The following NBAS variants were observed in gnomAD, a reference collection of about 807,000 sequenced individuals.
The protein encoded by NBAS is NAG/BC035112 fusion.
NBAS carries 219 observed loss-of-function variants against 302.5 expected under a neutral mutation model. That is an observed-to-expected ratio of 0.72 (90% CI 0.65 to 0.81). NBAS has a LOEUF of 0.81. NBAS is among the 30% of genes least tolerant of loss of function. The pLI is 0.00. For synonymous variants in NBAS, 1,118 were observed against 1,021.6 expected, an observed-to-expected ratio of 1.09 and a Z score of -1.80; for missense variants, 2,932 against 2,841.6, an observed-to-expected ratio of 1.03 and a Z score of -0.72.
the NBAS span, among the ~76,000 whole-genome samples, chr2:15,116,861 T>A: frequency 6.6e-6 from 1 of 152,162 alleles, no homozygotes; most frequent in Admixed American, 6.5e-5. Context: ...AATACATATA[T>A]AGGTTAGATT....
chr2:15,308,358 G>A lies in NBAS; in HGVS notation c.4660-5C>T. On this transcript the variant is annotated splice_polypyrimidine_tract_variant and splice_region_variant and intron_variant, in intron 39 of 51. Coordinates refer to ENST00000281513, the MANE Select transcript of NBAS (RefSeq NM_015909.4). Reference sequence around the variant, plus strand: ...GCACCGGTTAGCATCTAACACCTAGGAGGGAACATGTTAGAATTAACTCAG... The same window carrying A: ...GCACCGGTTAGCATCTAACACCTAGAAGGGAACATGTTAGAATTAACTCAG... 1 of 1,613,828 alleles carries A rather than the reference G, an allele frequency of 6.2e-7. No individual in the cohort carries two copies. The highest frequency in any genetic ancestry group is 8.5e-7 in the Non-Finnish European group (1 of 1,179,880).
intron 23 of NBAS, among the ~76,000 whole-genome samples, 172 bp downstream of exon 23, chr2:15,424,143 C>A (rs1011824120): frequency 2.0e-5 from 3 of 152,164 alleles, no homozygotes; most frequent in African/African-American, 7.2e-5. Context: ...AAAACAAAAG[C>A]CACAAAACGT....
the NBAS span, among the ~76,000 whole-genome samples, chr2:14,924,291 C>T: frequency 6.6e-6 from 1 of 152,148 alleles, no homozygotes; most frequent in Admixed American, 6.5e-5. Flanking sequence ...TCAACATCCC[C>T]AAAAATATAT....
chr2:15,480,084 T>C (rs914637202), intron 12 of NBAS, among the ~76,000 whole-genome samples: 4 of 152,218 alleles, frequency 2.6e-5, no homozygotes, highest in Non-Finnish European at 5.9e-5. Context: ...CTCACGCCTG[T>C]AATCCCAGAA....
the NBAS span, among the ~76,000 whole-genome samples, chr2:14,869,636 G>T: frequency 6.6e-6 from 1 of 152,072 alleles, no homozygotes; most frequent in African/African-American, 2.4e-5. Flanking sequence ...CCCTCAATCA[G>T]CACTCCTCCT....
chr2:15,045,338 C>T, the NBAS span, among the ~76,000 whole-genome samples: 1 of 152,184 alleles, frequency 6.6e-6, no homozygotes, highest in Non-Finnish European at 1.5e-5. Context: ...AGATAGAAGC[C>T]ATTCTTTGCA....
the NBAS span, among the ~76,000 whole-genome samples, chr2:14,905,475 G>A: frequency 2.0e-5 from 3 of 151,988 alleles, no homozygotes; most frequent in African/African-American, 4.8e-5. Context: ...CGGTGGCTGC[G>A]GGAGACTTGG....
chr2:15,351,123 C>T (rs1160108884), intron 35 of NBAS, among the ~76,000 whole-genome samples: 1 of 152,134 alleles, frequency 6.6e-6, no homozygotes, highest in Non-Finnish European at 1.5e-5. Context: ...GTACTATGCA[C>T]ACCGAAATTG....
chr2:15,347,141 A>C (rs1224232393), intron 35 of NBAS, among the ~76,000 whole-genome samples: 2 of 152,206 alleles, frequency 1.3e-5, no homozygotes, highest in Admixed American at 1.3e-4. Context: ...AATTTTTAAA[A>C]AAGTCAGTTA....
chr2:15,167,299 C>T lies in NBAS; in HGVS notation c.6865G>A (p.Glu2289Lys). 1 of 1,614,216 alleles carries T rather than the reference C, an allele frequency of 6.2e-7. No individual in the cohort carries two copies. Among genetic ancestry groups the T allele is most frequent in the Non-Finnish European group, 8.5e-7 (1 of 1,180,032 alleles). The change falls in exon 52 of 52, where the codon GAA (glutamate) becomes AAA (lysine). Residue 2289 changes from glutamate (E) to lysine (K), a missense_variant. Physicochemically the swap from Glu to Lys is moderately conservative, Grantham distance 56. Transcript: ENST00000281513. ...TTVNDSNCDQ[E>K]LLSLLLDAKL... is the part of the protein sequence containing the mutation. ...GCATCCAGGAGCAGGGAAAGAAGTT[C>T]TTGGTCACAATTGGAATCATTCACC...
At chr2:15,285,308 C>A (rs1669989069) in intron 42 of NBAS, among the ~76,000 whole-genome samples, 1 of 152,162 alleles carries the variant, frequency 6.6e-6, no homozygotes, top group Admixed American at 6.5e-5. Context: ...ATACTCACTC[C>A]CTTTCTTTAA....
At chr2:15,103,839 TAAAGG>T in the NBAS span, among the ~76,000 whole-genome samples, 2 of 152,144 alleles carry the variant, frequency 1.3e-5, no homozygotes, top group South Asian at 4.1e-4. Flanking sequence ...ATCACATGGC[TAAAGG>T]AAAAGTTCAG....
At chr2:15,371,684 A>G (rs1350406420) in intron 31 of NBAS, among the ~76,000 whole-genome samples, 1 of 152,158 alleles carries the variant, frequency 6.6e-6, no homozygotes, top group East Asian at 1.9e-4. Context: ...TAGCCCTGTA[A>G]AGTCATAGAA....
At chr2:15,403,759 A>C (rs1012088712) in intron 25 of NBAS, among the ~76,000 whole-genome samples, 1 of 152,124 alleles carries the variant, frequency 6.6e-6, no homozygotes, top group South Asian at 2.1e-4. Flanking sequence ...CAAGGTTGCA[A>C]AGTGACTAAC....
intron 32 of NBAS, among the ~76,000 whole-genome samples, chr2:15,358,238 T>C (rs1178966630): frequency 2.0e-5 from 3 of 152,222 alleles, no homozygotes; most frequent in South Asian, 4.2e-4. Flanking sequence ...TCCTGCTCTT[T>C]GCCTAAAAAC....
intron 50 of NBAS, among the ~76,000 whole-genome samples, chr2:15,186,179 T>G (rs1293767907): frequency 6.6e-6 from 1 of 150,772 alleles, no homozygotes; most frequent in Non-Finnish European, 1.5e-5. Context: ...TGTATATATA[T>G]GCATATATAT....
intron 1 of NBAS, among the ~76,000 whole-genome samples, chr2:15,560,959 G>GC (rs1664886615): frequency 6.6e-6 from 1 of 152,110 alleles, no homozygotes; most frequent in African/African-American, 2.4e-5. Context: ...CGAAGTTCCA[G>GC]CCCCCAACAA....
At chr2:15,059,481 G>A in the NBAS span, among the ~76,000 whole-genome samples, 1 of 152,104 alleles carries the variant, frequency 6.6e-6, no homozygotes, top group East Asian at 1.9e-4. Context: ...ATAAGCAGAT[G>A]CCCCCAGAAG....
chr2:15,486,982 G>A (rs1335462307), intron 12 of NBAS, among the ~76,000 whole-genome samples: 1 of 151,660 alleles, frequency 6.6e-6, no homozygotes, highest in African/African-American at 2.4e-5. Context: ...ATTTTGCTCA[G>A]AATAGCCTTT....
Sources: gnomAD v4.1 joint callset for allele counts (sites outside exome capture counted in the v4.1 genomes callset) on GRCh38, gnomAD v4.1.1 for gene constraint, MANE v1.5 for transcripts, NCBI Gene and HGNC (gene_info 2026-07-23, HGNC 2026-07-21) for gene names.